Variants in ITCH observed in about 807,000 individuals in gnomAD.
ITCH encodes the protein E3 ubiquitin-protein ligase Itchy homolog.
In ITCH, 28 loss-of-function variants were observed where a neutral mutation model predicts 126.8. The observed-to-expected ratio is 0.22, with a 90% CI of 0.16 to 0.30. The LOEUF is 0.30. Among genes scored for constraint, ITCH ranks in the 10% least tolerant of loss-of-function variants. ITCH has a pLI of 1.00. For missense variants in ITCH, 631 were observed against 1,032.4 expected (o/e 0.61, Z 5.33); for synonymous variants, 342 against 340.0 (o/e 1.01, Z -0.06).
chr20:34,421,786 T>A (rs1212360422), intron 6 of ITCH, among the ~76,000 whole-genome samples: 1 of 152,092 alleles, frequency 6.6e-6, no homozygotes, highest in East Asian at 1.9e-4. Context: ...GGCGGGAGGA[T>A]CACTTGAGTC....
intron 7 of ITCH, among the ~76,000 whole-genome samples, chr20:34,425,583 G>A (rs1981401923): frequency 6.6e-6 from 1 of 152,198 alleles, no homozygotes. Flanking sequence ...CGTGGCTGGA[G>A]GTGAGATATG....
At chr20:34,465,287 G>C (rs1436349319) in intron 14 of ITCH, among the ~76,000 whole-genome samples, 2 of 150,544 alleles carry the variant, frequency 1.3e-5, no homozygotes, top group African/African-American at 2.4e-5. Context: ...TAGCTTTGTA[G>C]CAAGTTTTCA....
At chr20:34,376,489 A>G (rs1387094365) in intron 2 of ITCH, among the ~76,000 whole-genome samples, 7 of 152,008 alleles carry the variant, frequency 4.6e-5, no homozygotes, top group African/African-American at 1.7e-4. Flanking sequence ...AAACAGTTCA[A>G]ACAATACCTC....
At chr20:34,469,754 G>A (rs1987443591) in intron 14 of ITCH, among the ~76,000 whole-genome samples, 2 of 152,158 alleles carry the variant, frequency 1.3e-5, no homozygotes, top group East Asian at 3.8e-4. Context: ...GGGATAGACA[G>A]CATTCTCAGA....
At chr20:34,390,531 A>G (rs767204439) in intron 2 of ITCH, among the ~76,000 whole-genome samples, 4 of 140,782 alleles carry the variant, frequency 2.8e-5, no homozygotes, top group Non-Finnish European at 4.6e-5. Flanking sequence ...GTTCACTGCA[A>G]TCTCAGCCTT....
intron 12 of ITCH, among the ~76,000 whole-genome samples, chr20:34,451,289 C>CA (rs1234630566): frequency 0.028 from 1,978 of 70,858 alleles, 27 homozygotes; most frequent in Middle Eastern, 0.065. Flanking sequence ...GACTCCGTCT[C>CA]AAAAAAAAAA....
intron 15 of ITCH, 72 bp from the exon 16 acceptor site, chr20:34,471,372 C>A: frequency 2.3e-6 from 2 of 851,802 alleles, no homozygotes; most frequent in Non-Finnish European, 4.1e-6. Flanking sequence ...GTAAATAAAA[C>A]TTTCCCCTTT....
intron 6 of ITCH, among the ~76,000 whole-genome samples, chr20:34,416,712 T>C (rs1568916654): frequency 6.6e-6 from 1 of 152,130 alleles, no homozygotes. Flanking sequence ...TGTACTTGTT[T>C]TTTCTTTTTC....
At chr20:34,400,013 A>C (rs1174538433) in intron 3 of ITCH, among the ~76,000 whole-genome samples, 1 of 151,668 alleles carries the variant, frequency 6.6e-6, no homozygotes, top group Non-Finnish European at 1.5e-5. Flanking sequence ...ATCTTGGCTC[A>C]CTGCAACCTC....
At chr20:34,471,673 GGTGT>G (rs10606931) in intron 16 of ITCH, among the ~76,000 whole-genome samples, 158 bp downstream of exon 16, 3,735 of 69,314 alleles carry the variant, frequency 0.054, 109 homozygotes, top group Middle Eastern at 0.081. Context: ...GGGCTTAAGG[GGTGT>G]GTGTGTGTGT....
chr20:34,365,131 T>C (rs1209093627), intron 1 of ITCH, among the ~76,000 whole-genome samples: 4 of 151,528 alleles, frequency 2.6e-5, no homozygotes, highest in African/African-American at 9.7e-5. Flanking sequence ...TTCCGGGGGG[T>C]CGAGGCTGCG....
At chr20:34,442,815 T>C (rs1290728935) in intron 10 of ITCH, among the ~76,000 whole-genome samples, 1 of 143,774 alleles carries the variant, frequency 7.0e-6, no homozygotes, top group South Asian at 2.2e-4. Flanking sequence ...CTACTAAAAA[T>C]ACAAAAAAAA....
chr20:34,363,288 G>A lies in ITCH; in HGVS notation c.-160G>A, dbSNP rs1459260568. 6.6e-6 allele frequency: 1 copy of A among 152,658 alleles called. No homozygotes were observed. The highest frequency in any genetic ancestry group is 1.5e-5 in the Non-Finnish European group (1 of 68,150). The allele number at this position is 152,658 out of a possible 1,614,324, so 9.5% of individuals were successfully genotyped here. On this transcript the variant is annotated 5_prime_UTR_variant, in exon 1 of 25. Transcript: ENST00000374864. ...AACTCGCTCTAGTAGCTGTGGTCGG[G>A]GCTCGGGACCGGCTGCCATCTTAGT...
At chr20:34,486,988 A>G (rs1357757184) in intron 20 of ITCH, among the ~76,000 whole-genome samples, 1 of 118,238 alleles carries the variant, frequency 8.5e-6, no homozygotes, top group East Asian at 2.6e-4. Flanking sequence ...AGCCACTCTC[A>G]TTGTATTTAA....
intron 14 of ITCH, among the ~76,000 whole-genome samples, chr20:34,464,320 T>A (rs1275836809): frequency 6.6e-6 from 1 of 150,456 alleles, no homozygotes; most frequent in Non-Finnish European, 1.5e-5. Flanking sequence ...CTTTCTTTCT[T>A]TCTTTTTTTT....
rs772676100 is a variant in ITCH, at chr20:34,445,279, T to G, written c.966-8T>G. The G allele has an allele frequency of 1.3e-6, 2 of 1,583,844 alleles. No individual in the cohort carries two copies. Among genetic ancestry groups the G allele is most frequent in the South Asian group, 1.2e-5 (1 of 86,602 alleles). On this transcript the variant is annotated splice_region_variant and splice_polypyrimidine_tract_variant and intron_variant, in intron 10 of 24. Coordinates refer to ENST00000374864, the MANE Select transcript of ITCH (RefSeq NM_031483.7). ...TAGCTTGTTTTTTTTTTTTTTTTTC[T>G]GATTTAGCTGGGAACGGCGGGTTGA...
intron 16 of ITCH, chr20:34,476,097 C>G: frequency 1.0e-6 from 1 of 956,466 alleles, no homozygotes; most frequent in Admixed American, 1.7e-5. Context: ...TTGCATCTAA[C>G]TTCTCATATA....
At chr20:34,471,299 G>C in intron 15 of ITCH, 145 bp from the exon 16 acceptor site, 2 of 660,138 alleles carry the variant, frequency 3.0e-6, no homozygotes, top group Non-Finnish European at 5.4e-6. Flanking sequence ...AGATGCATTG[G>C]TAAACATTAT....
chr20:34,477,430 T>G (rs1285274046), intron 16 of ITCH, among the ~76,000 whole-genome samples: 1 of 152,146 alleles, frequency 6.6e-6, no homozygotes, highest in African/African-American at 2.4e-5. Context: ...CTTGGGAGGC[T>G]AAGGCAAGAG....
Sources: gnomAD v4.1 joint callset for allele counts (sites outside exome capture counted in the v4.1 genomes callset) on GRCh38, gnomAD v4.1.1 for gene constraint, MANE v1.5 for transcripts, NCBI Gene and HGNC (gene_info 2026-07-23, HGNC 2026-07-21) for gene names.